STAG1: variants seen among roughly 807,000 people sequenced by gnomAD.
STAG1 encodes cohesin subunit SA-1.
A neutral mutation model predicts 170.9 loss-of-function variants in STAG1; 26 were observed. The observed-to-expected ratio is 0.15, with a 90% CI of 0.11 to 0.21. The LOEUF is 0.21. Ranked by LOEUF, STAG1 falls within the 10% of genes least tolerant of loss-of-function variation. The pLI is 1.00. For synonymous variants in STAG1, 514 were observed against 497.7 expected, an observed-to-expected ratio of 1.03 and a Z score of -0.44; for missense variants, 964 against 1,509.5, an observed-to-expected ratio of 0.64 and a Z score of 5.99.
rs534208366 is a variant in STAG1, at chr3:136,454,570, G to T, written c.1314-2423C>A. Among the ~76,000 whole-genome samples the T allele has an allele frequency of 2.0e-5, 3 of 150,974 alleles. No homozygotes were observed. The South Asian group carries it at 6.3e-4, about 32-fold the overall frequency. ...ATTTTTTGTATTTTTAGTAGAGATG[G>T]GGTTTCACCATGTTGGCCAGGCTGA... On this transcript the variant is annotated intron_variant, in intron 13 of 33. Transcript: ENST00000383202.
intron 1 of STAG1, among the ~76,000 whole-genome samples, chr3:136,635,042 T>C (rs1576695396): frequency 1.3e-5 from 2 of 152,202 alleles, no homozygotes; most frequent in Non-Finnish European, 2.9e-5. Flanking sequence ...GCCTTACTGC[T>C]TAATTATACC....
At chr3:136,454,384 TTA>T (rs2089043708) in intron 13 of STAG1, among the ~76,000 whole-genome samples, 1 of 145,386 alleles carries the variant, frequency 6.9e-6, no homozygotes, top group Admixed American at 7.0e-5. Flanking sequence ...TCGGCTTATT[TTA>T]TGTTTTTTTT....
chr3:136,725,001 T>C (rs1043322536), intron 1 of STAG1, among the ~76,000 whole-genome samples: 2 of 152,164 alleles, frequency 1.3e-5, no homozygotes, highest in South Asian at 4.1e-4. Context: ...AATGAAATGC[T>C]CCTGGCTGAC....
At chr3:136,738,609 C>T (rs1161470873) in intron 1 of STAG1, among the ~76,000 whole-genome samples, 1 of 152,148 alleles carries the variant, frequency 6.6e-6, no homozygotes, top group Admixed American at 6.6e-5. Flanking sequence ...CGAGATCGAT[C>T]GTACCACTGC....
intron 4 of STAG1, among the ~76,000 whole-genome samples, chr3:136,601,944 T>C (rs966888233): frequency 5.3e-5 from 8 of 152,244 alleles, no homozygotes; most frequent in South Asian, 4.1e-4. Flanking sequence ...AACACTTCTA[T>C]TGGTCAATGT....
intron 4 of STAG1, among the ~76,000 whole-genome samples, chr3:136,577,307 T>C (rs999995509): frequency 5.3e-5 from 8 of 152,200 alleles, no homozygotes; most frequent in Admixed American, 3.9e-4. Flanking sequence ...GAGGGGCTGA[T>C]TTTGTTGAAA....
intron 22 of STAG1, among the ~76,000 whole-genome samples, chr3:136,379,987 A>G (rs1937859651): frequency 6.7e-6 from 1 of 149,934 alleles, no homozygotes; most frequent in Non-Finnish European, 1.5e-5. Context: ...GGAATAGGCC[A>G]GTTAGAGTAG....
intron 9 of STAG1, among the ~76,000 whole-genome samples, chr3:136,478,914 G>C (rs1663128181): frequency 6.6e-6 from 1 of 151,838 alleles, no homozygotes; most frequent in South Asian, 2.1e-4. Context: ...CTTTTTCTTA[G>C]GTTTCCTCAT....
chr3:136,441,349 C>T (rs1401088111), intron 15 of STAG1, among the ~76,000 whole-genome samples: 1 of 152,014 alleles, frequency 6.6e-6, no homozygotes, highest in African/African-American at 2.4e-5. Flanking sequence ...CACTTTCTTA[C>T]TAAGGATATC....
intron 1 of STAG1, among the ~76,000 whole-genome samples, chr3:136,653,757 C>T (rs983245346): frequency 2.0e-4 from 30 of 152,094 alleles, no homozygotes; most frequent in African/African-American, 7.0e-4. Flanking sequence ...AAAAAGTTGT[C>T]AAACTGAATC....
At chr3:136,443,603 A>G (rs947745287) in intron 14 of STAG1, among the ~76,000 whole-genome samples, 199 bp from the exon 15 acceptor site, 1 of 152,200 alleles carries the variant, frequency 6.6e-6, no homozygotes, top group African/African-American at 2.4e-5. Context: ...ACTTTTTACC[A>G]TTTACAGTAG....
intron 21 of STAG1, among the ~76,000 whole-genome samples, chr3:136,400,855 A>G (rs115316129): frequency 0.012 from 1,773 of 152,276 alleles, 14 homozygotes; most frequent in Non-Finnish European, 0.016. Flanking sequence ...TTTCTAAAGG[A>G]AAGAATATTT....
rs779786385 is a variant in STAG1 at position 136,349,390 on chromosome 3, A to C, written c.3066-27T>G. The stretch of plus-strand genomic sequence containing the variant: ...TAGAAACACAATAGAAACAGCAGTG[A>C]TTTTCAGAGAAGCAGTTCATACATC... On this transcript the variant is annotated intron_variant, in intron 28 of 33. Transcript: ENST00000383202. The C allele has an allele frequency of 3.2e-6, 5 of 1,563,840 alleles. No individual in the cohort carries two copies. The Admixed American group carries it at 6.7e-5, about 21-fold the overall frequency.
At chr3:136,588,444 A>G (rs565534038) in intron 4 of STAG1, among the ~76,000 whole-genome samples, 3 of 151,990 alleles carry the variant, frequency 2.0e-5, no homozygotes, top group African/African-American at 7.3e-5. Flanking sequence ...AGATTCAGGC[A>G]ATCCTCCTGC....
chr3:136,365,798 CA>C (rs1937052391), intron 25 of STAG1, among the ~76,000 whole-genome samples: 1 of 152,130 alleles, frequency 6.6e-6, no homozygotes, highest in African/African-American at 2.4e-5. Flanking sequence ...GTTCAACATG[CA>C]AATATCACAG....
chr3:136,449,942 G>C (rs556582056), intron 14 of STAG1, among the ~76,000 whole-genome samples: 14 of 144,954 alleles, frequency 9.7e-5, no homozygotes, highest in African/African-American at 3.4e-4. Context: ...TGCACAGGCT[G>C]GAGTACAAAT....
chr3:136,648,802 C>T (rs1418845978), intron 1 of STAG1, among the ~76,000 whole-genome samples: 5 of 152,110 alleles, frequency 3.3e-5, no homozygotes, highest in East Asian at 1.9e-4. Context: ...AATAAATAAA[C>T]GCCCCTGCTG....
chr3:136,489,747 C>T (rs1409605791), intron 9 of STAG1, among the ~76,000 whole-genome samples: 4 of 152,114 alleles, frequency 2.6e-5, no homozygotes, highest in Non-Finnish European at 5.9e-5. Flanking sequence ...ACAGAAAAGT[C>T]ATACTGTATC....
intron 1 of STAG1, among the ~76,000 whole-genome samples, chr3:136,691,917 G>A (rs1353241729): frequency 6.6e-6 from 1 of 152,202 alleles, no homozygotes; most frequent in African/African-American, 2.4e-5. Context: ...AGGACTTTCA[G>A]TACAGTCCTG....
Sources: allele counts gnomAD v4.1 joint callset (sites outside exome capture counted in the v4.1 genomes callset), GRCh38; gene constraint gnomAD v4.1.1; transcripts MANE v1.5; gene names NCBI Gene and HGNC (gene_info 2026-07-23, HGNC 2026-07-21).